Variants in ELAPOR2 observed in about 807,000 individuals in gnomAD.
The protein encoded by ELAPOR2 is endosome/lysosome-associated apoptosis and autophagy regulator family member 2.
A neutral mutation model predicts 120.7 loss-of-function variants in ELAPOR2; 89 were observed. The ratio of observed to expected loss-of-function variants is 0.74; its 90% CI spans 0.62 to 0.88. The LOEUF (loss-of-function observed/expected upper bound fraction) is 0.88. Among genes scored for constraint, ELAPOR2 ranks in the 40% least tolerant of loss-of-function variants. ELAPOR2 has a pLI of 0.00. For missense variants in ELAPOR2, 1,134 were observed against 1,251.6 expected (o/e 0.91, Z 1.42); for synonymous variants, 444 against 444.9 (o/e 1.00, Z 0.03).
chr7:87,040,346 A>G (rs981680401), intron 1 of ELAPOR2, among the ~76,000 whole-genome samples: 1 of 152,240 alleles, frequency 6.6e-6, no homozygotes, highest in Non-Finnish European at 1.5e-5. Flanking sequence ...AGACAGCAGT[A>G]ACCTCTGCAG....
chr7:87,000,880 A>C (rs1244164526), intron 1 of ELAPOR2, among the ~76,000 whole-genome samples: 1 of 151,770 alleles, frequency 6.6e-6, no homozygotes, highest in African/African-American at 2.4e-5. Context: ...AGACATTTAA[A>C]TCTCAGTTCT....
At chr7:86,896,582 G>A (rs1206594513) in intron 19 of ELAPOR2, among the ~76,000 whole-genome samples, 1 of 151,856 alleles carries the variant, frequency 6.6e-6, no homozygotes, top group East Asian at 1.9e-4. Flanking sequence ...CTCCCTTCAG[G>A]TTTCCAGGAT....
chr7:86,928,481 T>C (rs1790178453), intron 8 of ELAPOR2, among the ~76,000 whole-genome samples: 1 of 151,974 alleles, frequency 6.6e-6, no homozygotes. Flanking sequence ...CTAGTGAAAG[T>C]AGTTGGTTCC....
chr7:86,947,100 T>C (rs558397563), intron 3 of ELAPOR2, among the ~76,000 whole-genome samples: 1 of 152,092 alleles, frequency 6.6e-6, no homozygotes, highest in East Asian at 1.9e-4. Context: ...TGTCAGGGGG[T>C]AGCCAGAGCC....
At chr7:86,894,125 T>C (rs1788327158) in intron 19 of ELAPOR2, among the ~76,000 whole-genome samples, 1 of 152,140 alleles carries the variant, frequency 6.6e-6, no homozygotes, top group African/African-American at 2.4e-5. Flanking sequence ...GAAAGGGACA[T>C]GAGACTCTTA....
intron 1 of ELAPOR2, among the ~76,000 whole-genome samples, chr7:87,010,659 C>T (rs1466135085): frequency 6.6e-6 from 1 of 152,156 alleles, no homozygotes; most frequent in Non-Finnish European, 1.5e-5. Context: ...GCACAATTCA[C>T]AGACAGGTAC....
intron 9 of ELAPOR2, among the ~76,000 whole-genome samples, chr7:86,926,374 T>C (rs1790067546): frequency 1.3e-5 from 2 of 151,998 alleles, no homozygotes; most frequent in African/African-American, 4.8e-5. Flanking sequence ...TTCTCAATGA[T>C]GATGAGCCAG....
intron 8 of ELAPOR2, among the ~76,000 whole-genome samples, chr7:86,935,840 T>C (rs1790539985): frequency 6.6e-6 from 1 of 152,070 alleles, no homozygotes; most frequent in Admixed American, 6.6e-5. Flanking sequence ...TTCCACATTT[T>C]TCATGATGTT....
rs537283526 is a variant in ELAPOR2 at position 87,022,308 on chromosome 7, C to G, written c.189+37017G>C. On this transcript the variant is annotated intron_variant, in intron 1 of 21. Coordinates refer to ENST00000450689, the MANE Select transcript of ELAPOR2 (RefSeq NM_001142749.3). ...TGTGTTCTCATTGTTCAAGTCCCAC[C>G]TACGAGTGAGAACATGTGGTGTTTG... 2.4e-3 allele frequency among the ~76,000 whole-genome samples: 360 copies of G among 148,818 alleles called. 4 individuals carry two copies. The highest frequency in any genetic ancestry group is 8.4e-3 in the African/African-American group (339 of 40,272).
rs748707245 is a variant in ELAPOR2, at chr7:86,878,119, G to A, written c.*2352C>T. The A allele has an allele frequency of 5.9e-5, 9 of 152,046 alleles. No individual in the cohort carries two copies. Among genetic ancestry groups the A allele is most frequent in the Non-Finnish European group, 1.3e-4 (9 of 67,992 alleles). The allele number at this position is 152,046 out of a possible 1,614,324, so 9.4% of individuals were successfully genotyped here. ...AACAAATAACTTCTTCTACCACTTA[G>A]GGGGGAAAAGGAACAAGTGTCAATC... On this transcript the variant is annotated 3_prime_UTR_variant, in exon 22 of 22. Coordinates refer to ENST00000450689, the MANE Select transcript of ELAPOR2 (RefSeq NM_001142749.3).
chr7:86,978,570 A>G (rs1344648511), intron 1 of ELAPOR2, among the ~76,000 whole-genome samples: 2 of 152,170 alleles, frequency 1.3e-5, no homozygotes, highest in Non-Finnish European at 2.9e-5. Context: ...GCCCTTCTCC[A>G]TGATTCACTG....
intron 1 of ELAPOR2, among the ~76,000 whole-genome samples, chr7:87,031,612 A>ATATCTCAGAATGCCAAAAATC (rs1351859356): frequency 2.6e-4 from 40 of 152,338 alleles, no homozygotes; most frequent in African/African-American, 9.6e-4. Context: ...ACCTACAGGA[A>ATATCTCAGAATGCCAAAAATC]TATCTCAGAA....
chr7:86,937,541 C>T (rs1183071675), intron 8 of ELAPOR2, among the ~76,000 whole-genome samples: 1 of 152,082 alleles, frequency 6.6e-6, no homozygotes, highest in Non-Finnish European at 1.5e-5. Context: ...TGCATTTTTC[C>T]TCTGGCTATG....
intron 2 of ELAPOR2, among the ~76,000 whole-genome samples, chr7:86,955,973 A>G (rs1209477977): frequency 6.6e-6 from 1 of 151,940 alleles, no homozygotes; most frequent in Non-Finnish European, 1.5e-5. Flanking sequence ...AAAAAAGGAA[A>G]AGAAAAGAAA....
intron 1 of ELAPOR2, among the ~76,000 whole-genome samples, chr7:87,040,177 G>A (rs867003030): frequency 5.3e-5 from 8 of 152,116 alleles, no homozygotes; most frequent in African/African-American, 1.2e-4. Context: ...ACTGCAAGGC[G>A]GCAGCGAGGC....
At chr7:86,947,985 C>G in intron 2 of ELAPOR2, 63 bp from the exon 3 acceptor site, 1 of 1,107,750 alleles carries the variant, frequency 9.0e-7, no homozygotes, top group Admixed American at 2.4e-5. Flanking sequence ...CCCCTTCATG[C>G]TGTCACCAGA....
intron 1 of ELAPOR2, among the ~76,000 whole-genome samples, chr7:87,028,923 A>G (rs1438247783): frequency 6.6e-6 from 1 of 152,198 alleles, no homozygotes; most frequent in Admixed American, 6.5e-5. Flanking sequence ...CTTAAAGTGC[A>G]TGATCATTTT....
At chr7:87,043,390 G>A (rs1413992847) in intron 1 of ELAPOR2, among the ~76,000 whole-genome samples, 1 of 150,972 alleles carries the variant, frequency 6.6e-6, no homozygotes, top group African/African-American at 2.4e-5. Flanking sequence ...GAATCCAGCA[G>A]CACATCAAAA....
intron 1 of ELAPOR2, among the ~76,000 whole-genome samples, chr7:86,977,598 A>G (rs1416638299): frequency 6.6e-6 from 1 of 152,202 alleles, no homozygotes; most frequent in Admixed American, 6.5e-5. Context: ...ATAATTCTTC[A>G]CAAGTTATCT....
Sources: allele counts gnomAD v4.1 joint callset (sites outside exome capture counted in the v4.1 genomes callset), GRCh38; gene constraint gnomAD v4.1.1; transcripts MANE v1.5; gene names NCBI Gene and HGNC (gene_info 2026-07-23, HGNC 2026-07-21).